Variants in MSRA observed in about 807,000 individuals in gnomAD.
MSRA encodes the protein mitochondrial peptide methionine sulfoxide reductase.
A neutral mutation model predicts 31.3 loss-of-function variants in MSRA; 54 were observed. The ratio of observed to expected loss-of-function variants is 1.73; its 90% CI spans 1.39 to 2.17. MSRA has a LOEUF of 2.17. Ranked by LOEUF, MSRA falls within the 30% of genes most tolerant of loss-of-function variation. MSRA has a pLI of 0.00. For missense variants in MSRA, 507 were observed against 300.9 expected (o/e 1.69, Z -5.07); for synonymous variants, 169 against 116.5 (o/e 1.45, Z -2.90).
chr8:10,173,081 G>A (rs565000283), intron 1 of MSRA, among the ~76,000 whole-genome samples: 63 of 152,324 alleles, frequency 4.1e-4, no homozygotes, highest in African/African-American at 1.4e-3. Context: ...ACTTCTGGAG[G>A]GCCACCTTTT....
chr8:10,407,540 G>A (rs986739317), intron 5 of MSRA, among the ~76,000 whole-genome samples: 2 of 152,230 alleles, frequency 1.3e-5, no homozygotes, highest in Non-Finnish European at 2.9e-5. Flanking sequence ...GTAGCCTGGA[G>A]GAGAGGTAGC....
chr8:10,058,486 A>G (rs1366882384), intron 1 of MSRA, among the ~76,000 whole-genome samples: 1 of 152,204 alleles, frequency 6.6e-6, no homozygotes, highest in Non-Finnish European at 1.5e-5. Flanking sequence ...GAGGTAGAAA[A>G]TTTAAGCAGG....
At chr8:10,123,887 C>G (rs1457836709) in intron 1 of MSRA, among the ~76,000 whole-genome samples, 1 of 151,148 alleles carries the variant, frequency 6.6e-6, no homozygotes, top group Non-Finnish European at 1.5e-5. Flanking sequence ...TCTTTTGAGA[C>G]AGGGTCTCAC....
intron 1 of MSRA, among the ~76,000 whole-genome samples, chr8:10,099,543 G>A (rs1585143270): frequency 6.6e-6 from 1 of 152,334 alleles, no homozygotes; most frequent in South Asian, 2.1e-4. Flanking sequence ...GTACACAATG[G>A]CCACTTAATA....
chr8:10,201,262 G>A (rs1185001611), intron 1 of MSRA, among the ~76,000 whole-genome samples: 1 of 152,100 alleles, frequency 6.6e-6, no homozygotes, highest in Non-Finnish European at 1.5e-5. Context: ...GATCCCTCAG[G>A]AGCATGCGGT....
At chr8:10,335,262 T>TTTG (rs1554530444) in intron 5 of MSRA, among the ~76,000 whole-genome samples, 1 of 148,264 alleles carries the variant, frequency 6.7e-6, no homozygotes, top group Non-Finnish European at 1.5e-5. Context: ...TTTTTTTTTT[T>TTTG]TTTTTTTTTT....
chr8:10,117,418 C>T (rs999992952), intron 1 of MSRA, among the ~76,000 whole-genome samples: 5 of 152,190 alleles, frequency 3.3e-5, no homozygotes, highest in African/African-American at 1.2e-4. Flanking sequence ...CTCTGGTCAG[C>T]CGCATTCTGC....
At chr8:10,128,110 G>T (rs1801632186) in intron 1 of MSRA, among the ~76,000 whole-genome samples, 1 of 152,038 alleles carries the variant, frequency 6.6e-6, no homozygotes, top group Non-Finnish European at 1.5e-5. Context: ...AGGTGCGATG[G>T]CTCACACCTG....
At chr8:10,175,693 C>G (rs1368117682) in intron 1 of MSRA, among the ~76,000 whole-genome samples, 7 of 152,194 alleles carry the variant, frequency 4.6e-5, no homozygotes, top group Non-Finnish European at 7.3e-5. Context: ...TTAAGCTTTT[C>G]ACTTTGAAGA....
chr8:10,359,469 T>C (rs1477248828), intron 5 of MSRA, among the ~76,000 whole-genome samples: 3 of 152,364 alleles, frequency 2.0e-5, no homozygotes, highest in Admixed American at 6.5e-5. Flanking sequence ...TAAAGTAATA[T>C]GCTGCATATT....
At chr8:10,141,941 T>C (rs1175964857) in intron 1 of MSRA, among the ~76,000 whole-genome samples, 1 of 152,154 alleles carries the variant, frequency 6.6e-6, no homozygotes, top group Non-Finnish European at 1.5e-5. Flanking sequence ...ATCAGTACTC[T>C]CCCAATTTTC....
At chr8:10,116,749 C>G (rs1052437071) in intron 1 of MSRA, among the ~76,000 whole-genome samples, 1 of 152,050 alleles carries the variant, frequency 6.6e-6, no homozygotes, top group African/African-American at 2.4e-5. Context: ...AGGCGGATCA[C>G]CTGAGGTTGG....
intron 2 of MSRA, among the ~76,000 whole-genome samples, chr8:10,235,817 G>A (rs1253618491): frequency 1.3e-5 from 2 of 152,120 alleles, no homozygotes; most frequent in Admixed American, 6.5e-5. Context: ...TCTGAGGCCA[G>A]TATAACCTTG....
chr8:10,295,761 G>A (rs999387458), intron 3 of MSRA, among the ~76,000 whole-genome samples: 7 of 152,162 alleles, frequency 4.6e-5, no homozygotes. Context: ...CCAGGCAGCA[G>A]TGGGAGCCTT....
intron 4 of MSRA, among the ~76,000 whole-genome samples, chr8:10,305,133 A>G (rs1801056375): frequency 6.6e-6 from 1 of 152,208 alleles, no homozygotes; most frequent in Non-Finnish European, 1.5e-5. Context: ...AAGGGGCCTT[A>G]AATTTTTTTG....
At chr8:10,354,750 GTATATATATA>G (rs754778002) in intron 5 of MSRA, among the ~76,000 whole-genome samples, 1 of 138,404 alleles carries the variant, frequency 7.2e-6, no homozygotes, top group Non-Finnish European at 1.5e-5. Flanking sequence ...GTGTGTGTGT[GTATATATATA>G]TATATATATA....
chr8:10,199,516 C>G (rs1474102094), intron 1 of MSRA, among the ~76,000 whole-genome samples: 2 of 152,044 alleles, frequency 1.3e-5, no homozygotes, highest in Non-Finnish European at 2.9e-5. Flanking sequence ...GATGGCGTTT[C>G]ACCATGTTGG....
intron 4 of MSRA, among the ~76,000 whole-genome samples, chr8:10,313,418 C>G (rs888484524): frequency 1.3e-5 from 2 of 151,064 alleles, no homozygotes; most frequent in African/African-American, 4.9e-5. Flanking sequence ...TCAGGGTTTA[C>G]TTATTTACCA....
At chr8:10,106,149 G>A (rs968194372) in intron 1 of MSRA, among the ~76,000 whole-genome samples, 4 of 152,178 alleles carry the variant, frequency 2.6e-5, no homozygotes, top group African/African-American at 9.7e-5. Context: ...ACAGCTGAGG[G>A]AAGAGTGGGC....
Sources: gnomAD v4.1 joint callset for allele counts (sites outside exome capture counted in the v4.1 genomes callset) on GRCh38, gnomAD v4.1.1 for gene constraint, MANE v1.5 for transcripts, NCBI Gene and HGNC (gene_info 2026-07-23, HGNC 2026-07-21) for gene names.